The following PDE4D variants were observed in gnomAD, a reference collection of about 807,000 sequenced individuals.
PDE4D encodes the protein phosphodiesterase 4D.
PDE4D carries 24 observed loss-of-function variants against 87.4 expected under a neutral mutation model. That is an observed-to-expected ratio of 0.27 (90% CI 0.20 to 0.39). The LOEUF is 0.39. PDE4D is among the 10% of genes least tolerant of loss of function. The pLI, the probability that PDE4D is intolerant of heterozygous loss-of-function variation, is 1.00. For synonymous variants in PDE4D, 384 were observed against 383.2 expected (o/e 1.00, Z -0.02); for missense variants, 714 against 1,041.0 (o/e 0.69, Z 4.32).
intron 2 of PDE4D, among the ~76,000 whole-genome samples, chr5:59,201,706 G>A (rs1747440368): frequency 6.6e-6 from 1 of 152,064 alleles, no homozygotes; most frequent in Admixed American, 6.5e-5. Flanking sequence ...TGAAACCCTA[G>A]GGAATAAAGT....
intron 1 of PDE4D, among the ~76,000 whole-genome samples, chr5:60,226,267 A>G (rs1218324891): frequency 6.6e-6 from 1 of 152,152 alleles, no homozygotes; most frequent in Non-Finnish European, 1.5e-5. Context: ...CTTTATATCC[A>G]TGTCACATAT....
chr5:60,106,552 T>C (rs1175338600), intron 2 of PDE4D, among the ~76,000 whole-genome samples: 1 of 151,900 alleles, frequency 6.6e-6, no homozygotes, highest in African/African-American at 2.4e-5. Context: ...CAACAGAATA[T>C]ACATTTTTTT....
At chr5:60,459,837 A>G (rs55804026) in intron 1 of PDE4D, 4 of 571,058 alleles carry the variant, frequency 7.0e-6, no homozygotes, top group South Asian at 6.3e-5. Flanking sequence ...GTTGGAACCT[A>G]TCAGTGTTCT....
chr5:60,115,440 T>C (rs560077600), intron 2 of PDE4D, among the ~76,000 whole-genome samples: 14 of 152,236 alleles, frequency 9.2e-5, no homozygotes, highest in South Asian at 2.1e-4. Flanking sequence ...AAGAAGGTCA[T>C]TGAAGACACC....
chr5:60,084,069 A>T (rs925647554), intron 2 of PDE4D, among the ~76,000 whole-genome samples: 7 of 152,238 alleles, frequency 4.6e-5, no homozygotes, highest in Non-Finnish European at 7.3e-5. Flanking sequence ...TGAAAAATTC[A>T]TGAAGAATAA....
chr5:59,242,177 GC>G (rs1211721526), intron 1 of PDE4D, among the ~76,000 whole-genome samples: 1 of 152,106 alleles, frequency 6.6e-6, no homozygotes. Flanking sequence ...GATCACTTGA[GC>G]CCAGGAGTTT....
chr5:59,368,517 G>A (rs1468887020), intron 1 of PDE4D, among the ~76,000 whole-genome samples: 2 of 152,162 alleles, frequency 1.3e-5, no homozygotes, highest in African/African-American at 2.4e-5. Context: ...GACATTTGGT[G>A]TGCTTGATTT....
intron 2 of PDE4D, among the ~76,000 whole-genome samples, chr5:60,183,406 G>C (rs939894011): frequency 6.6e-6 from 1 of 152,170 alleles, no homozygotes; most frequent in Non-Finnish European, 1.5e-5. Context: ...GTAGGAAACA[G>C]AACACTCACA....
chr5:59,697,808 G>A (rs1222772599), intron 1 of PDE4D, among the ~76,000 whole-genome samples: 1 of 152,192 alleles, frequency 6.6e-6, no homozygotes, highest in African/African-American at 2.4e-5. Context: ...ATTCAGGTCA[G>A]GGCAGGTTGA....
At chr5:60,420,554 C>A (rs1742997747) in intron 1 of PDE4D, among the ~76,000 whole-genome samples, 1 of 152,110 alleles carries the variant, frequency 6.6e-6, no homozygotes. Context: ...AATAAAAAAT[C>A]ACCAGATAAA....
At chr5:59,304,258 T>A (rs895731426) in intron 1 of PDE4D, among the ~76,000 whole-genome samples, 1 of 152,110 alleles carries the variant, frequency 6.6e-6, no homozygotes, top group Non-Finnish European at 1.5e-5. Flanking sequence ...ATCCAGAAAC[T>A]TTCTTGAATT....
intron 1 of PDE4D, among the ~76,000 whole-genome samples, chr5:59,563,463 A>G (rs1440885974): frequency 6.6e-6 from 1 of 152,234 alleles, no homozygotes; most frequent in Non-Finnish European, 1.5e-5. Context: ...AGACATAGGG[A>G]CATCACCTGG....
At position 60,510,240 on chromosome 5, in the gene PDE4D, C is replaced by T. The variant is rs578101397; in HGVS notation, n.70+11811G>A. On this transcript the variant is annotated intron_variant and non_coding_transcript_variant, in intron 1 of 2. Transcript: ENST00000506510. Reference sequence around the variant, plus strand: ...CATGCAATAATTCTCAGCAGCCCATCAGAGAAAGAGAACACAGAAAGGAAG... The same window carrying T: ...CATGCAATAATTCTCAGCAGCCCATTAGAGAAAGAGAACACAGAAAGGAAG... Among the ~76,000 whole-genome samples the T allele has an allele frequency of 2.5e-3, 378 of 152,276 alleles. 3 individuals carry two copies. The highest frequency in any genetic ancestry group is 9.7e-4 in the Non-Finnish European group (66 of 68,024).
intron 1 of PDE4D, among the ~76,000 whole-genome samples, chr5:59,725,377 T>C (rs944187307): frequency 2.0e-5 from 3 of 152,076 alleles, no homozygotes; most frequent in Non-Finnish European, 4.4e-5. Flanking sequence ...ACCCAAGATA[T>C]AAACACATTG....
intron 1 of PDE4D, among the ~76,000 whole-genome samples, chr5:59,613,884 A>G (rs1008970269): frequency 2.0e-5 from 3 of 152,204 alleles, no homozygotes; most frequent in African/African-American, 7.2e-5. Flanking sequence ...GTAAACCAAA[A>G]TTACATTACA....
chr5:59,010,264 T>C (rs926198804), intron 6 of PDE4D, among the ~76,000 whole-genome samples: 3 of 152,118 alleles, frequency 2.0e-5, no homozygotes, highest in Non-Finnish European at 4.4e-5. Flanking sequence ...GAGGCAGAAG[T>C]TGCAGTGAGC....
chr5:59,213,634 C>A (rs1750574495), intron 2 of PDE4D, among the ~76,000 whole-genome samples: 1 of 152,124 alleles, frequency 6.6e-6, no homozygotes, highest in Admixed American at 6.6e-5. Context: ...CTCCACCCAT[C>A]AGCCTTTTAA....
At chr5:59,886,489 C>T (rs1025745229) in intron 1 of PDE4D, among the ~76,000 whole-genome samples, 3 of 151,440 alleles carry the variant, frequency 2.0e-5, no homozygotes, top group Admixed American at 1.3e-4. Flanking sequence ...TCCACTCCAG[C>T]TCGGACGATA....
At chr5:59,614,728 G>A (rs188574972) in intron 1 of PDE4D, among the ~76,000 whole-genome samples, 1 of 152,130 alleles carries the variant, frequency 6.6e-6, no homozygotes, top group Non-Finnish European at 1.5e-5. Context: ...AAGTTTTAAA[G>A]CACTAGTTAT....
Sources: allele counts gnomAD v4.1 joint callset (sites outside exome capture counted in the v4.1 genomes callset), GRCh38; gene constraint gnomAD v4.1.1; transcripts MANE v1.5; gene names NCBI Gene and HGNC (gene_info 2026-07-23, HGNC 2026-07-21).